MAGOH: variants seen among roughly 807,000 people sequenced by gnomAD.
MAGOH encodes protein mago nashi homolog.
In MAGOH, 3 loss-of-function variants were observed where a neutral mutation model predicts 20.9. That is an observed-to-expected ratio of 0.14 (90% CI 0.07 to 0.37). The LOEUF is 0.37. MAGOH is among the 10% of genes least tolerant of loss of function. MAGOH has a pLI of 1.00. For synonymous variants in MAGOH, 51 were observed against 61.0 expected, an observed-to-expected ratio of 0.84 and a Z score of 0.76; for missense variants, 66 against 178.1, an observed-to-expected ratio of 0.37 and a Z score of 3.58.
chr1:53,229,455 T>C (rs1386101332), intron 3 of MAGOH, among the ~76,000 whole-genome samples: 1 of 152,174 alleles, frequency 6.6e-6, no homozygotes, highest in Non-Finnish European at 1.5e-5. Context: ...GGTTTCGCCA[T>C]GTTGGCCAGG....
intron 3 of MAGOH, among the ~76,000 whole-genome samples, chr1:53,232,424 T>A (rs1645590498): frequency 1.3e-5 from 2 of 152,054 alleles, no homozygotes; most frequent in South Asian, 4.1e-4. Flanking sequence ...CAACACATAT[T>A]GTGATAAAAC....
chr1:53,232,445 A>G (rs933666423), intron 3 of MAGOH, among the ~76,000 whole-genome samples: 1 of 152,232 alleles, frequency 6.6e-6, no homozygotes, highest in African/African-American at 2.4e-5. Context: ...TGAAAGCAAA[A>G]AGAAAAAAAA....
intron 2 of MAGOH, among the ~76,000 whole-genome samples, chr1:53,234,340 AAG>A (rs1235137825): frequency 2.6e-5 from 4 of 152,130 alleles, no homozygotes; most frequent in African/African-American, 9.6e-5. Context: ...TGCAGCAAAA[AAG>A]AGACTGCGAC....
Position 53,233,529 on chromosome 1 carries a change from CAAT to C in MAGOH, c.258+10_258+12del. 6.3e-7 allele frequency: 1 copy of C among 1,595,046 alleles called. No homozygotes were observed. The highest frequency in any genetic ancestry group is 8.6e-7 in the Non-Finnish European group (1 of 1,163,410). On this transcript the variant is annotated intron_variant, in intron 3 of 4. Transcript: ENST00000371470. ...TAAGATTTCTGCACTACAGGATAAT[CAAT>C]AAAACACACCTGCCGGCCCACTCGG...
At chr1:53,227,668 G>A (rs937287784) in intron 4 of MAGOH, among the ~76,000 whole-genome samples, 1 of 152,080 alleles carries the variant, frequency 6.6e-6, no homozygotes, top group African/African-American at 2.4e-5. Context: ...AGCCTCCCGA[G>A]TAGCTAGGAT....
In MAGOH at chr1:53,228,958, GA is replaced by G. The variant is rs1557727278; in HGVS notation, c.259-5del. ...CTCCAATGACGATTTCAAGCTCCTA[GA>G]AACATTTTAGAAAATCGAAGTCAAG... On this transcript the variant is annotated splice_region_variant and splice_polypyrimidine_tract_variant and intron_variant, in intron 3 of 4. Coordinates refer to ENST00000371470, the MANE Select transcript of MAGOH (RefSeq NM_002370.4). 1 of 1,603,420 alleles carries G rather than the reference GA, an allele frequency of 6.2e-7. No individual in the cohort carries two copies. Among genetic ancestry groups the G allele is most frequent in the African/African-American group, 1.3e-5 (1 of 74,802 alleles).
intron 1 of MAGOH, among the ~76,000 whole-genome samples, chr1:53,236,371 T>C (rs1473197025): frequency 6.6e-6 from 1 of 152,248 alleles, no homozygotes; most frequent in African/African-American, 2.4e-5. Flanking sequence ...AGTCAATGGC[T>C]TTCCACTGCC....
At chr1:53,234,463 T>G (rs1645602172) in intron 2 of MAGOH, among the ~76,000 whole-genome samples, 1 of 148,666 alleles carries the variant, frequency 6.7e-6, no homozygotes, top group Admixed American at 6.8e-5. Context: ...GAACTCTGCC[T>G]CCTGGGTTCA....
At chr1:53,238,189 T>C (rs1200531124) in intron 1 of MAGOH, among the ~76,000 whole-genome samples, 172 bp downstream of exon 1, 1 of 152,190 alleles carries the variant, frequency 6.6e-6, no homozygotes, top group Non-Finnish European at 1.5e-5. Context: ...GTTTGCTGAA[T>C]GGATAGAAAG....
At chr1:53,227,766 C>T (rs1023723453) in intron 4 of MAGOH, among the ~76,000 whole-genome samples, 2 of 151,892 alleles carry the variant, frequency 1.3e-5, no homozygotes, top group African/African-American at 2.4e-5. Flanking sequence ...CTTGAACTCC[C>T]GACCTCAGGT....
Position 53,227,089 on chromosome 1 carries a change from C to A in MAGOH, c.397G>T (p.Val133Phe). 2 of 1,508,900 alleles carry A rather than the reference C, an allele frequency of 1.3e-6. No homozygotes were observed. The highest frequency in any genetic ancestry group is 1.2e-5 in the South Asian group (1 of 86,404). The allele number at this position is 1,508,900 out of a possible 1,614,324, so 93.5% of individuals were successfully genotyped here. A position where few individuals can be genotyped will look rare whatever the true frequency, so the allele number is the denominator to read the frequency against. Residue 133 changes from valine (V) to phenylalanine (F), a missense_variant, in exon 5 of 5, where the codon GTC (valine) becomes TTC (phenylalanine). Physicochemically the swap from Val to Phe is conservative, Grantham distance 50. Coordinates refer to ENST00000371470, the MANE Select transcript of MAGOH (RefSeq NM_002370.4). ...YYLVQDLKCL[V>F]FSLIGLHFKI... Reference sequence around the variant, plus strand: ...AAGTGTAATCCAATAAGACTGAAGACCAAACACTTCAGGTCCTGGACAAGA... The same window carrying A: ...AAGTGTAATCCAATAAGACTGAAGAACAAACACTTCAGGTCCTGGACAAGA...
rs535341838 is a variant in MAGOH at position 53,237,228 on chromosome 1, C to T, written c.88+1133G>A. Among the ~76,000 whole-genome samples the T allele has an allele frequency of 4.0e-5, 6 of 151,362 alleles. No homozygotes were observed. In the South Asian group the frequency reaches 1.3e-3, roughly 32 times the overall value. ...CCTCCCAAAGGGCTGAGATTACAGG[C>T]TTGAGCCACCGCGCCCGGCCCCCAA... is the stretch of plus-strand genomic sequence containing the variant. On this transcript the variant is annotated intron_variant, in intron 1 of 4. Coordinates refer to ENST00000371470, the MANE Select transcript of MAGOH (RefSeq NM_002370.4).
chr1:53,231,322 A>G (rs1321667519), intron 3 of MAGOH, among the ~76,000 whole-genome samples: 1 of 152,200 alleles, frequency 6.6e-6, no homozygotes, highest in African/African-American at 2.4e-5. Flanking sequence ...TGTTTTGCAG[A>G]TAACTTCTTC....
chr1:53,230,188 T>C (rs561042198), intron 3 of MAGOH, among the ~76,000 whole-genome samples: 2 of 152,354 alleles, frequency 1.3e-5, no homozygotes, highest in East Asian at 3.9e-4. Flanking sequence ...GTGAGGCCTA[T>C]TTACTTTTTC....
chr1:53,236,725 T>TA (rs947730679), intron 1 of MAGOH, among the ~76,000 whole-genome samples: 1 of 152,206 alleles, frequency 6.6e-6, no homozygotes, highest in African/African-American at 2.4e-5. Flanking sequence ...TGTGCTGTTT[T>TA]ATCACTGCTT....
At chr1:53,237,130 G>A (rs530801058) in intron 1 of MAGOH, among the ~76,000 whole-genome samples, 119 of 151,022 alleles carry the variant, frequency 7.9e-4, no homozygotes, top group Non-Finnish European at 1.3e-3. Context: ...TGTATTTTTA[G>A]TAGAGGCGGG....
intron 4 of MAGOH, 76 bp from the exon 5 acceptor site, chr1:53,227,220 A>C (rs1645564864): frequency 5.8e-6 from 4 of 691,628 alleles, no homozygotes; most frequent in Non-Finnish European, 9.6e-6. Context: ...AAAAGACTAT[A>C]TATTAAAACG....
At chr1:53,233,486 T>C in intron 3 of MAGOH, 56 bp downstream of exon 3, 2 of 1,184,502 alleles carry the variant, frequency 1.7e-6, no homozygotes, top group Non-Finnish European at 2.5e-6. Flanking sequence ...GAGGAGGGAG[T>C]GTGGGGGGTC....
intron 2 of MAGOH, among the ~76,000 whole-genome samples, chr1:53,235,116 C>T (rs571846915): frequency 1.3e-5 from 2 of 152,340 alleles, no homozygotes; most frequent in East Asian, 3.9e-4. Context: ...ATGTCAACTG[C>T]TTTCCCATGC....
Sources: allele counts gnomAD v4.1 joint callset (sites outside exome capture counted in the v4.1 genomes callset), GRCh38; gene constraint gnomAD v4.1.1; transcripts MANE v1.5; gene names NCBI Gene and HGNC (gene_info 2026-07-23, HGNC 2026-07-21).